The following SGCZ variants were observed in gnomAD, a reference collection of about 807,000 sequenced individuals.
SGCZ encodes the protein sarcoglycan zeta, also known as zeta-sarcoglycan.
Under a neutral mutation model 41.3 loss-of-function variants are expected in SGCZ, and 40 were observed. That is an observed-to-expected ratio of 0.97 (90% CI 0.75 to 1.26). SGCZ has a LOEUF of 1.26. SGCZ is among the 50% of genes most tolerant of loss of function. SGCZ has a pLI of 0.00. For synonymous variants in SGCZ, 206 were observed against 137.5 expected, an observed-to-expected ratio of 1.50 and a Z score of -3.49; for missense variants, 552 against 369.8, an observed-to-expected ratio of 1.49 and a Z score of -4.04.
At chr8:14,249,906 G>C (rs987242981) in intron 3 of SGCZ, among the ~76,000 whole-genome samples, 21 of 152,194 alleles carry the variant, frequency 1.4e-4, no homozygotes, top group African/African-American at 4.6e-4. Flanking sequence ...TAAATCAAAA[G>C]AGTAAGTATA....
intron 1 of SGCZ, among the ~76,000 whole-genome samples, chr8:14,589,265 G>GA (rs144560803): frequency 0.056 from 8,498 of 150,912 alleles, 353 homozygotes; most frequent in Admixed American, 0.13. Context: ...AGAATTGTTT[G>GA]AATCTGGGAG....
chr8:14,577,807 G>A (rs1486540104), intron 1 of SGCZ, among the ~76,000 whole-genome samples: 2 of 152,092 alleles, frequency 1.3e-5, no homozygotes, highest in African/African-American at 4.8e-5. Context: ...TGTGTGTATT[G>A]TAATCAATCA....
At chr8:14,765,198 C>G (rs1800002258) in intron 1 of SGCZ, among the ~76,000 whole-genome samples, 1 of 152,128 alleles carries the variant, frequency 6.6e-6, no homozygotes, top group African/African-American at 2.4e-5. Flanking sequence ...ACTTGATTCC[C>G]TTAATCCCTC....
At chr8:15,001,858 A>G (rs1159041832) in intron 1 of SGCZ, among the ~76,000 whole-genome samples, 3 of 152,120 alleles carry the variant, frequency 2.0e-5, no homozygotes, top group Non-Finnish European at 4.4e-5. Flanking sequence ...TAAGACCCAG[A>G]GAAGTGAAAA....
intron 3 of SGCZ, among the ~76,000 whole-genome samples, chr8:14,317,125 A>T (rs938889540): frequency 6.6e-6 from 1 of 152,090 alleles, no homozygotes; most frequent in Non-Finnish European, 1.5e-5. Context: ...AATAATGCCT[A>T]TCACATAGTA....
At chr8:14,272,427 A>G (rs1299119761) in intron 3 of SGCZ, among the ~76,000 whole-genome samples, 1 of 152,232 alleles carries the variant, frequency 6.6e-6, no homozygotes, top group Non-Finnish European at 1.5e-5. Flanking sequence ...TTCTGGTAAA[A>G]GTGTGGCTGG....
At chr8:14,219,627 G>A (rs185451780) in intron 4 of SGCZ, among the ~76,000 whole-genome samples, 22 of 152,224 alleles carry the variant, frequency 1.4e-4, no homozygotes, top group African/African-American at 5.1e-4. Context: ...CGTGCCTATA[G>A]TCCCAACTTT....
intron 1 of SGCZ, among the ~76,000 whole-genome samples, chr8:15,008,036 CT>C (rs966841289): frequency 6.6e-6 from 1 of 151,882 alleles, no homozygotes; most frequent in African/African-American, 2.4e-5. Context: ...TTGTCTTTTT[CT>C]CTGTATTTTC....
chr8:14,199,666 T>C (rs1805392001), intron 4 of SGCZ, among the ~76,000 whole-genome samples: 1 of 152,204 alleles, frequency 6.6e-6, no homozygotes, highest in African/African-American at 2.4e-5. Context: ...TTGTACTCTG[T>C]CCCTTTATTT....
chr8:14,421,282 CTCTTCCTTTAG>C (rs2117306321), intron 2 of SGCZ, among the ~76,000 whole-genome samples: 1 of 152,058 alleles, frequency 6.6e-6, no homozygotes, highest in Non-Finnish European at 1.5e-5. Flanking sequence ...AATTTATTTA[CTCTTCCTTTAG>C]TCTTCCTTCT....
chr8:14,726,350 A>G (rs1300282300), intron 1 of SGCZ, among the ~76,000 whole-genome samples: 2 of 146,196 alleles, frequency 1.4e-5, no homozygotes, highest in East Asian at 3.9e-4. Flanking sequence ...ATAAAATTAG[A>G]TAGGATTTTA....
intron 1 of SGCZ, among the ~76,000 whole-genome samples, chr8:15,173,020 CTAAT>C (rs1355853131): frequency 6.6e-6 from 1 of 152,152 alleles, no homozygotes; most frequent in Non-Finnish European, 1.5e-5. Context: ...TGATAATTCA[CTAAT>C]TATAACATTC....
chr8:14,775,544 T>C (rs1055869401), intron 1 of SGCZ, among the ~76,000 whole-genome samples: 3 of 151,762 alleles, frequency 2.0e-5, no homozygotes, highest in African/African-American at 7.3e-5. Flanking sequence ...ATACAAAATA[T>C]ACTGGTTCCA....
chr8:14,190,010 C>CTTTTTTTTTTT (rs1397799185), intron 4 of SGCZ, among the ~76,000 whole-genome samples: 1 of 68,498 alleles, frequency 1.5e-5, no homozygotes, highest in African/African-American at 5.9e-5. Context: ...TTCTTTCTTT[C>CTTTTTTTTTTT]TTTCTTTTTT....
intron 1 of SGCZ, among the ~76,000 whole-genome samples, chr8:14,608,277 G>C (rs943818456): frequency 7.3e-5 from 11 of 151,118 alleles, no homozygotes; most frequent in African/African-American, 2.4e-4. Context: ...TTTTGTAAGT[G>C]TGGTAAATAC....
At chr8:14,933,363 C>T (rs531720416) in intron 1 of SGCZ, among the ~76,000 whole-genome samples, 7 of 151,354 alleles carry the variant, frequency 4.6e-5, no homozygotes, top group Non-Finnish European at 1.0e-4. Context: ...GACATGAGCT[C>T]TCTGCAAAAA....
At chr8:14,367,400 G>A (rs1286091731) in intron 2 of SGCZ, among the ~76,000 whole-genome samples, 1 of 151,984 alleles carries the variant, frequency 6.6e-6, no homozygotes, top group Non-Finnish European at 1.5e-5. Flanking sequence ...TTAGTTCCAA[G>A]GTCGCTTCCA....
intron 1 of SGCZ, among the ~76,000 whole-genome samples, chr8:14,788,028 T>C (rs1800827515): frequency 6.6e-6 from 1 of 152,170 alleles, no homozygotes; most frequent in African/African-American, 2.4e-5. Flanking sequence ...TCATTTTTTA[T>C]TCCAAAAATG....
intron 1 of SGCZ, among the ~76,000 whole-genome samples, chr8:14,824,227 A>G (rs1244719497): frequency 6.6e-6 from 1 of 152,056 alleles, no homozygotes; most frequent in Non-Finnish European, 1.5e-5. Context: ...ATGCATTAGA[A>G]ATTACCAAGA....
Sources: gnomAD v4.1 joint callset for allele counts (sites outside exome capture counted in the v4.1 genomes callset) on GRCh38, gnomAD v4.1.1 for gene constraint, MANE v1.5 for transcripts, NCBI Gene and HGNC (gene_info 2026-07-23, HGNC 2026-07-21) for gene names.